BCKDHB: variants seen among roughly 807,000 people sequenced by gnomAD.
BCKDHB encodes 2-oxoisovalerate dehydrogenase subunit beta, mitochondrial.
BCKDHB carries 41 observed loss-of-function variants against 48.5 expected under a neutral mutation model. The ratio of observed to expected loss-of-function variants is 0.85; its 90% CI spans 0.66 to 1.10. The LOEUF (loss-of-function observed/expected upper bound fraction) is 1.10, where lower values mean the gene tolerates loss of function less well. BCKDHB is among the 50% of genes least tolerant of loss of function. The probability of loss-of-function intolerance (pLI) is 0.00; values close to 1 mark genes in which losing one functional copy is unlikely to be tolerated. For synonymous variants in BCKDHB, 201 were observed against 174.8 expected (o/e 1.15, Z -1.18); for missense variants, 496 against 494.2 (o/e 1.00, Z -0.03).
chr6:80,414,487 GTTTTAATC>G, the BCKDHB span, among the ~76,000 whole-genome samples: 1 of 152,124 alleles, frequency 6.6e-6, no homozygotes, highest in African/African-American at 2.4e-5. Context: ...AAGAGATCCA[GTTTTAATC>G]TTTTGCATAT....
intron 8 of BCKDHB, among the ~76,000 whole-genome samples, chr6:80,218,949 G>T (rs566261960): frequency 6.6e-6 from 1 of 151,794 alleles, no homozygotes; most frequent in African/African-American, 2.4e-5. Context: ...TTCACTTGAG[G>T]TCCAGTGCTT....
At chr6:80,147,590 A>T (rs1771549141) in intron 3 of BCKDHB, among the ~76,000 whole-genome samples, 3 of 152,132 alleles carry the variant, frequency 2.0e-5, no homozygotes, top group African/African-American at 7.2e-5. Flanking sequence ...AGAGAAGCTG[A>T]GACTAAAAGC....
the BCKDHB span, among the ~76,000 whole-genome samples, chr6:80,391,621 C>G: frequency 6.6e-6 from 1 of 152,128 alleles, no homozygotes; most frequent in Non-Finnish European, 1.5e-5. Flanking sequence ...GTCCCTTTAA[C>G]TATAAGAGAA....
intron 9 of BCKDHB, among the ~76,000 whole-genome samples, chr6:80,322,887 TTC>T (rs1444956784): frequency 7.6e-6 from 1 of 131,216 alleles, no homozygotes; most frequent in Non-Finnish European, 1.6e-5. Context: ...TTCTTTTTTT[TTC>T]TTTTTTCTTT....
At chr6:80,369,648 A>G in the BCKDHB span, among the ~76,000 whole-genome samples, 1 of 152,322 alleles carries the variant, frequency 6.6e-6, no homozygotes, top group Admixed American at 6.5e-5. Flanking sequence ...ACTGCCTGCA[A>G]CGCCAAGGTA....
At chr6:80,416,334 T>C in the BCKDHB span, among the ~76,000 whole-genome samples, 1 of 152,012 alleles carries the variant, frequency 6.6e-6, no homozygotes, top group Non-Finnish European at 1.5e-5. Flanking sequence ...TGGGACTTAT[T>C]TGCTCTTGGT....
At chr6:80,313,992 G>T (rs1037681512) in intron 9 of BCKDHB, among the ~76,000 whole-genome samples, 12 of 152,270 alleles carry the variant, frequency 7.9e-5, no homozygotes, top group South Asian at 4.1e-4. Context: ...TAGTTTCAAA[G>T]AACTTCTTGA....
At chr6:80,388,186 G>A in the BCKDHB span, among the ~76,000 whole-genome samples, 1 of 152,190 alleles carries the variant, frequency 6.6e-6, no homozygotes, top group Non-Finnish European at 1.5e-5. Flanking sequence ...TTTGAGTGGG[G>A]TCCAGAACTG....
chr6:80,163,375 T>TA lies in BCKDHB; in HGVS notation c.344-4299dup, dbSNP rs545593162. On this transcript the variant is annotated intron_variant, in intron 3 of 9. Coordinates refer to ENST00000320393, the MANE Select transcript of BCKDHB (RefSeq NM_183050.4). Reference sequence around the variant, plus strand: ...ACGGTCATGTTAAGGTCACCAATGATAAAATCCTCAGTCCTCATCTCACTT... The same window carrying TA: ...ACGGTCATGTTAAGGTCACCAATGATAAAAATCCTCAGTCCTCATCTCACTT... Among the ~76,000 whole-genome samples, 201 of 151,328 alleles carry TA rather than the reference T, an allele frequency of 1.3e-3. No individual in the cohort carries two copies. The Middle Eastern group carries it at 0.017, about 13-fold the overall frequency.
chr6:80,377,672 G>T, the BCKDHB span, among the ~76,000 whole-genome samples: 3 of 152,152 alleles, frequency 2.0e-5, no homozygotes, highest in Non-Finnish European at 4.4e-5. Flanking sequence ...AATTTTCAAA[G>T]TTATTCCGTT....
At chr6:80,301,350 A>G (rs1582533041) in intron 9 of BCKDHB, among the ~76,000 whole-genome samples, 2 of 152,306 alleles carry the variant, frequency 1.3e-5, no homozygotes, top group Middle Eastern at 6.8e-3. Flanking sequence ...GTTTATAAAG[A>G]TGACATAACA....
chr6:80,288,429 T>G (rs1006386369), intron 9 of BCKDHB, among the ~76,000 whole-genome samples: 29 of 152,310 alleles, frequency 1.9e-4, no homozygotes, highest in African/African-American at 7.0e-4. Flanking sequence ...CATGTTGTTA[T>G]TCATCAACCT....
At chr6:80,296,301 G>GA (rs1767243040) in intron 9 of BCKDHB, among the ~76,000 whole-genome samples, 2 of 152,072 alleles carry the variant, frequency 1.3e-5, no homozygotes, top group South Asian at 2.1e-4. Flanking sequence ...AATGTCTTAG[G>GA]AAAAAACCAC....
intron 8 of BCKDHB, among the ~76,000 whole-genome samples, chr6:80,220,893 C>T (rs972650757): frequency 6.6e-6 from 1 of 151,896 alleles, no homozygotes; most frequent in Non-Finnish European, 1.5e-5. Flanking sequence ...CACGACCATG[C>T]CTGGCTACTT....
intron 9 of BCKDHB, among the ~76,000 whole-genome samples, chr6:80,322,238 C>CTTTTTTTTTTT (rs776940885): frequency 2.4e-4 from 28 of 116,660 alleles, no homozygotes; most frequent in East Asian, 4.9e-4. Flanking sequence ...TCTTTCTTTT[C>CTTTTTTTTTTT]TTTTTTTTTT....
the BCKDHB span, among the ~76,000 whole-genome samples, chr6:80,427,100 C>T: frequency 2.6e-5 from 4 of 151,880 alleles, no homozygotes; most frequent in East Asian, 7.7e-4. Flanking sequence ...CATCTTTATT[C>T]CTGGTAACAT....
chr6:80,343,771 T>C lies in BCKDHB; in HGVS notation c.1146T>C (p.Cys382=). Reference sequence around the variant, plus strand: ...TCTACATCCCAGACAAATGGAAGTGTTATGATGCCCTTCGAAAAATGATCA... The same window carrying C: ...TCTACATCCCAGACAAATGGAAGTGCTATGATGCCCTTCGAAAAATGATCA... ...EPFYIPDKWK[C]YDALRKMINY Residue 382 remains cysteine, a synonymous_variant, in exon 10 of 10, where the codon TGT becomes TGC. Coordinates refer to ENST00000320393, the MANE Select transcript of BCKDHB (RefSeq NM_183050.4). The C allele has an allele frequency of 6.2e-7, 1 of 1,613,986 alleles. No individual in the cohort carries two copies. Among genetic ancestry groups the C allele is most frequent in the Admixed American group, 1.7e-5 (1 of 60,014 alleles).
the BCKDHB span, among the ~76,000 whole-genome samples, chr6:80,423,385 G>A: frequency 6.6e-6 from 1 of 152,190 alleles, no homozygotes; most frequent in African/African-American, 2.4e-5. Flanking sequence ...CTCTAACAAA[G>A]ATATTCTAGT....
chr6:80,154,919 G>A (rs1361673584), intron 3 of BCKDHB, among the ~76,000 whole-genome samples: 3 of 152,040 alleles, frequency 2.0e-5, no homozygotes, highest in Admixed American at 1.3e-4. Context: ...CTTGTTACCA[G>A]TAACATCTTA....
Sources: allele counts gnomAD v4.1 joint callset (sites outside exome capture counted in the v4.1 genomes callset), GRCh38; gene constraint gnomAD v4.1.1; transcripts MANE v1.5; gene names NCBI Gene and HGNC (gene_info 2026-07-23, HGNC 2026-07-21).